The following TMEM184B variants were observed in gnomAD, a reference collection of about 807,000 sequenced individuals.
TMEM184B encodes transmembrane protein 184B.
TMEM184B carries 17 observed loss-of-function variants against 41.8 expected under a neutral mutation model. That is an observed-to-expected ratio of 0.41 (90% CI 0.28 to 0.61). TMEM184B has a LOEUF of 0.61. Ranked by LOEUF, TMEM184B falls within the 20% of genes least tolerant of loss-of-function variation. The pLI, the probability that TMEM184B is intolerant of heterozygous loss-of-function variation, is 0.34. For synonymous variants in TMEM184B, 240 were observed against 229.5 expected (o/e 1.05, Z -0.41); for missense variants, 393 against 557.8 (o/e 0.70, Z 2.98).
intron 1 of TMEM184B, among the ~76,000 whole-genome samples, chr22:38,269,342 T>A (rs2092488138): frequency 6.6e-6 from 1 of 152,156 alleles, no homozygotes; most frequent in Admixed American, 6.5e-5. Context: ...TGCCTTAGCC[T>A]CCCAAGTAGC....
chr22:38,221,336 G>C lies in TMEM184B; in HGVS notation c.*133C>G. On this transcript the variant is annotated 3_prime_UTR_variant, in exon 9 of 9. Transcript: ENST00000361906. ...CCGTTCCTCTGGAAGTGACATGTGA[G>C]TGTTTCTGGTCCAATAAATAAAGGC... 2 of 1,437,906 alleles carry C rather than the reference G, an allele frequency of 1.4e-6. No homozygotes were observed. The highest frequency in any genetic ancestry group is 1.8e-6 in the Non-Finnish European group (2 of 1,107,764). 89.1% of individuals were successfully genotyped at this position (1,437,906 alleles called of 1,614,324 possible). A position where few individuals can be genotyped will look rare whatever the true frequency, so the allele number is the denominator to read the frequency against.
Position 38,225,642 on chromosome 22 carries a change from G to A in TMEM184B, c.618-49C>T. 1 of 1,561,140 alleles carries A rather than the reference G, an allele frequency of 6.4e-7. No individual in the cohort carries two copies. The highest frequency in any genetic ancestry group is 8.6e-7 in the Non-Finnish European group (1 of 1,159,508). On this transcript the variant is annotated intron_variant, in intron 6 of 8. Transcript: ENST00000361906. This position sits in a 1 kb window ranked among gnomAD's most constrained non-coding sequence, Gnocchi z 4.4. ...GGCTGGGACAGACCCTTGGAGGGAA[G>A]GGGCTCTCCTCGACTGCACCACACA...
intron 1 of TMEM184B, among the ~76,000 whole-genome samples, chr22:38,251,552 G>A (rs548233626): frequency 2.7e-4 from 41 of 152,264 alleles, no homozygotes; most frequent in African/African-American, 9.1e-4. Context: ...GCTGTCAAAC[G>A]TACTCCCAAG....
intron 3 of TMEM184B, chr22:38,232,336 G>C (rs1434355633): frequency 2.0e-5 from 3 of 152,202 alleles, no homozygotes; most frequent in Non-Finnish European, 4.4e-5. Flanking sequence ...TGTAAATGTT[G>C]ATGCTATAAA....
intron 1 of TMEM184B, among the ~76,000 whole-genome samples, chr22:38,256,179 C>T (rs978219663): frequency 4.6e-5 from 7 of 150,908 alleles, no homozygotes; most frequent in African/African-American, 1.5e-4. Context: ...GAAGAAACCC[C>T]GTCTCTACTA....
Position 38,247,775 on chromosome 22 carries a change from G to T in TMEM184B, c.187C>A (p.His63Asn). Reference sequence around the variant, plus strand: ...CCCTTGCCAGGCTTGGGTACCTGGTGGCATGTGATGAGCAGGGCCGTCCAC... The same window carrying T: ...CCCTTGCCAGGCTTGGGTACCTGGTTGCATGTGATGAGCAGGGCCGTCCAC... ...FVWTALLITC[H>N]QIYMHLRCYS... Residue 63 changes from histidine to asparagine, a missense_variant, in exon 2 of 9, where the codon CAC becomes AAC. Physicochemically the swap from His to Asn is moderately conservative, Grantham distance 68. This residue lies in a region of TMEM184B where 122 missense variants were observed against 123.7 expected (regional missense o/e 0.99). Transcript: ENST00000361906. 6.2e-7 allele frequency: 1 copy of T among 1,611,620 alleles called. No homozygotes were observed. Among genetic ancestry groups the T allele is most frequent in the Non-Finnish European group, 8.5e-7 (1 of 1,178,260 alleles).
At chr22:38,257,834 A>C (rs564814712) in intron 1 of TMEM184B, among the ~76,000 whole-genome samples, 1 of 152,242 alleles carries the variant, frequency 6.6e-6, no homozygotes, top group South Asian at 2.1e-4. Context: ...GGGCTGTGTG[A>C]TCCAAGGAAG....
chr22:38,245,910 C>CCCCA, intron 3 of TMEM184B, 25 bp downstream of exon 3: 2 of 1,568,178 alleles, frequency 1.3e-6, no homozygotes, highest in Non-Finnish European at 8.7e-7. Flanking sequence ...CCCGCCAGCC[C>CCCCA]TCCCCACTCC....
intron 3 of TMEM184B, chr22:38,231,655 C>A: frequency 2.0e-6 from 1 of 495,404 alleles, no homozygotes; most frequent in Non-Finnish European, 3.7e-6. Flanking sequence ...GGTGGGTACT[C>A]AGGAGGTTTG....
intron 3 of TMEM184B, among the ~76,000 whole-genome samples, chr22:38,232,571 G>A (rs1041515160): frequency 2.0e-5 from 3 of 152,172 alleles, no homozygotes; most frequent in African/African-American, 4.8e-5. Flanking sequence ...TCCAGTAAAG[G>A]CACAAGGCCA....
At chr22:38,258,325 A>T (rs2092317380) in intron 1 of TMEM184B, among the ~76,000 whole-genome samples, 1 of 149,372 alleles carries the variant, frequency 6.7e-6, no homozygotes, top group Admixed American at 6.6e-5. Context: ...TTTTTAGACT[A>T]AGTCTCACTC....
Position 38,225,123 on chromosome 22 carries a change from A to T in TMEM184B, c.788-144T>A, listed in dbSNP as rs1569014333. On this transcript the variant is annotated intron_variant, in intron 7 of 8. Transcript: ENST00000361906. The surrounding 1 kb of genome is among the most constrained non-coding windows in gnomAD (Gnocchi z 4.4). ...CTGCTCCTGCAGGGCAGGGGTAGCGACACAAGGCCACAGCCTCCGGAAACC... is the reference window on the plus strand; with the variant it reads ...CTGCTCCTGCAGGGCAGGGGTAGCGTCACAAGGCCACAGCCTCCGGAAACC... 1.0e-6 allele frequency: 1 copy of T among 997,118 alleles called. No individual in the cohort carries two copies. The highest frequency in any genetic ancestry group is 1.4e-6 in the Non-Finnish European group (1 of 704,988). 61.8% of individuals were successfully genotyped at this position (997,118 alleles called of 1,614,324 possible). A position where few individuals can be genotyped will look rare whatever the true frequency, so the allele number is the denominator to read the frequency against.
chr22:38,219,750 G>C lies in TMEM184B; in HGVS notation c.*1719C>G. On this transcript the variant is annotated 3_prime_UTR_variant, in exon 9 of 9. Transcript: ENST00000361906. Reference sequence around the variant, plus strand: ...GGGAGAAGGGAAGCCACGGTGGAGAGACAGCTTGGTGAAAGCAGATGGCGG... The same window carrying C: ...GGGAGAAGGGAAGCCACGGTGGAGACACAGCTTGGTGAAAGCAGATGGCGG... 1.0e-6 allele frequency: 1 copy of C among 985,756 alleles called. No homozygotes were observed. The highest frequency in any genetic ancestry group is 1.2e-6 in the Non-Finnish European group (1 of 830,154). The allele number at this position is 985,756 out of a possible 1,614,324, so 61.1% of individuals were successfully genotyped here.
At chr22:38,219,214 T>C, downstream of TMEM184B, 1 of 976,248 alleles carries the variant, frequency 1.0e-6, no homozygotes, top group Non-Finnish European at 1.2e-6. Flanking sequence ...AAGCCGCCTG[T>C]ACCCACAGCC....
In TMEM184B at chr22:38,221,202, C is replaced by T; in HGVS notation, c.*267G>A. 7.6e-7 allele frequency: 1 copy of T among 1,317,080 alleles called. No homozygotes were observed. Among genetic ancestry groups the T allele is most frequent in the Non-Finnish European group, 9.7e-7 (1 of 1,033,958 alleles). 81.6% of individuals were successfully genotyped at this position (1,317,080 alleles called of 1,614,324 possible). On this transcript the variant is annotated 3_prime_UTR_variant, in exon 9 of 9. Transcript: ENST00000361906. ...CAGCATGCCCCCAGCACAGGACGGG[C>T]AGCAGGGGCATAAGCCTTGCTCCCA...
rs2091246210 is a variant in TMEM184B at position 38,221,115 on chromosome 22, G to A, written c.*354C>T. On this transcript the variant is annotated 3_prime_UTR_variant, in exon 9 of 9. Transcript: ENST00000361906. ...AGCCTGAGAGTCTCGCGGGGAGGAG[G>A]GGCTAGAAGGCTGCAGCCGCTGGTC... is the stretch of plus-strand genomic sequence containing the variant. 1 of 1,110,000 alleles carries A rather than the reference G, an allele frequency of 9.0e-7. No individual in the cohort carries two copies. Among genetic ancestry groups the A allele is most frequent in the African/African-American group, 1.6e-5 (1 of 61,134 alleles). 68.8% of individuals were successfully genotyped at this position (1,110,000 alleles called of 1,614,324 possible).
At position 38,237,739 on chromosome 22, in the gene TMEM184B, G is replaced by A. The variant is rs1168024967; in HGVS notation, c.359-6405C>T. On this transcript the variant is annotated intron_variant, in intron 3 of 8. Coordinates refer to ENST00000361906, the MANE Select transcript of TMEM184B (RefSeq NM_012264.5). Reference sequence around the variant, plus strand: ...TGCAACCAAGGGGGCAGGGGTCTGCGTGGTACAAGTGACCCCAGACTCTAA... The same window carrying A: ...TGCAACCAAGGGGGCAGGGGTCTGCATGGTACAAGTGACCCCAGACTCTAA... Among the ~76,000 whole-genome samples, 6 of 152,132 alleles carry A rather than the reference G, an allele frequency of 3.9e-5. No individual in the cohort carries two copies. In the South Asian group the frequency reaches 8.3e-4, roughly 21 times the overall value.
intron 3 of TMEM184B, among the ~76,000 whole-genome samples, chr22:38,241,943 A>T (rs1377373579): frequency 6.6e-6 from 1 of 151,052 alleles, no homozygotes; most frequent in Non-Finnish European, 1.5e-5. Flanking sequence ...GCCCTTCCAT[A>T]GTAGGAAGTC....
chr22:38,253,058 C>G (rs1203906434), intron 1 of TMEM184B, among the ~76,000 whole-genome samples: 1 of 152,116 alleles, frequency 6.6e-6, no homozygotes, highest in Non-Finnish European at 1.5e-5. Flanking sequence ...AGGAGAATGG[C>G]GTGAACCCGG....
Sources: allele counts gnomAD v4.1 joint callset (sites outside exome capture counted in the v4.1 genomes callset), GRCh38; gene constraint gnomAD v4.1.1; regional missense constraint gnomAD v4.1.1; non-coding constraint Gnocchi (gnomAD v3.1); transcripts MANE v1.5; gene names NCBI Gene and HGNC (gene_info 2026-07-23, HGNC 2026-07-21).